The following RASA1 variants were observed in gnomAD, a reference collection of about 807,000 sequenced individuals.
The protein encoded by RASA1 is ras GTPase-activating protein 1.
In RASA1, 25 loss-of-function variants were observed where a neutral mutation model predicts 132.2. The ratio of observed to expected loss-of-function variants is 0.19; its 90% CI spans 0.14 to 0.26. The LOEUF (loss-of-function observed/expected upper bound fraction) is 0.26. Ranked by LOEUF, RASA1 falls within the 10% of genes least tolerant of loss-of-function variation. The pLI, the probability that RASA1 is intolerant of heterozygous loss-of-function variation, is 1.00. For missense variants in RASA1, 964 were observed against 1,299.2 expected (o/e 0.74, Z 3.97); for synonymous variants, 477 against 449.9 (o/e 1.06, Z -0.76).
At position 87,391,552 on chromosome 5, in the gene RASA1, CTG is replaced by C. The variant is rs1423192453; in HGVS notation, c.*671_*672del. ...CTTATTTTGTTGAAATTGTCAAAGACTGTATTTAGATCTCATAATGCTTTGTT... is the reference window on the plus strand; with the variant it reads ...CTTATTTTGTTGAAATTGTCAAAGACTATTTAGATCTCATAATGCTTTGTT... On this transcript the variant is annotated 3_prime_UTR_variant, in exon 25 of 25. Transcript: ENST00000274376. 11 of 237,392 alleles carry C rather than the reference CTG, an allele frequency of 4.6e-5. No individual in the cohort carries two copies. Among genetic ancestry groups the C allele is most frequent in the Non-Finnish European group, 8.3e-5 (10 of 120,182 alleles). 14.7% of individuals were successfully genotyped at this position (237,392 alleles called of 1,614,324 possible). A position where few individuals can be genotyped will look rare whatever the true frequency, so the allele number is the denominator to read the frequency against.
chr5:87,273,380 CTG>C (rs901068242), intron 1 of RASA1, among the ~76,000 whole-genome samples: 7 of 152,216 alleles, frequency 4.6e-5, no homozygotes, highest in African/African-American at 1.4e-4. Flanking sequence ...ATATCTAAAA[CTG>C]TTAACAGATT....
chr5:87,389,410 G>C lies in RASA1; in HGVS notation c.2943G>C (p.Pro981=), dbSNP rs761753589. 12 of 1,614,006 alleles carry C rather than the reference G, an allele frequency of 7.4e-6. No individual in the cohort carries two copies. Among genetic ancestry groups the C allele is most frequent in the Non-Finnish European group, 1.0e-5 (12 of 1,179,940 alleles). The stretch of plus-strand genomic sequence containing the variant: ...CCTTAAAGAATGTACCTGAACTTCC[G>C]GACACTACAGAGCATTCTAGAACGG... ...LDELGNVPEL[P]DTTEHSRTDL... Residue 981 remains proline, a synonymous_variant, in exon 24 of 25, where the codon CCG becomes CCC. Transcript: ENST00000274376.
intron 20 of RASA1, 62 bp from the exon 21 acceptor site, chr5:87,383,651 A>T: frequency 1.6e-6 from 2 of 1,255,812 alleles, no homozygotes; most frequent in Non-Finnish European, 2.2e-6. Context: ...ATATTGTTTT[A>T]ATGTAACACA....
intron 1 of RASA1, among the ~76,000 whole-genome samples, chr5:87,278,255 AAGAC>A: frequency 6.6e-6 from 1 of 152,088 alleles, no homozygotes; most frequent in Admixed American, 6.6e-5. Flanking sequence ...TTTAAGAAAT[AAGAC>A]AGATGGGCCG....
In RASA1 at chr5:87,329,396, C is replaced by T. The variant is rs147148258; in HGVS notation, c.540-1952C>T. Among the ~76,000 whole-genome samples, 1,080 of 152,002 alleles carry T rather than the reference C, an allele frequency of 7.1e-3. 15 individuals carry two copies. The highest frequency in any genetic ancestry group is 0.024 in the African/African-American group (1,010 of 41,474). ...GGTGGGGGTTGCAGTGAGCTGAGAT[C>T]GTACCAGTGTACTCCAGCCTGGGCG... On this transcript the variant is annotated intron_variant, in intron 1 of 24. Transcript: ENST00000274376.
chr5:87,289,781 T>C (rs1754834989), intron 1 of RASA1, among the ~76,000 whole-genome samples: 1 of 152,132 alleles, frequency 6.6e-6, no homozygotes, highest in African/African-American at 2.4e-5. Context: ...CAGCTAATGC[T>C]TTATTTTTTG....
In RASA1 at chr5:87,332,500, C is replaced by T; in HGVS notation, c.693-7C>T. 1.2e-6 allele frequency: 2 copies of T among 1,603,900 alleles called. No homozygotes were observed. The highest frequency in any genetic ancestry group is 1.7e-6 in the Non-Finnish European group (2 of 1,172,202). On this transcript the variant is annotated splice_polypyrimidine_tract_variant and splice_region_variant and intron_variant, in intron 2 of 24. Coordinates refer to ENST00000274376, the MANE Select transcript of RASA1 (RefSeq NM_002890.3). ...TTTTTATACTGTATTTTTTCCTGTT[C>T]AAATAGGATTATTGCTATGTGTGGA...
chr5:87,387,959 TATA>T, intron 23 of RASA1, among the ~76,000 whole-genome samples: 1 of 152,314 alleles, frequency 6.6e-6, no homozygotes, highest in East Asian at 1.9e-4. Context: ...AGAATCCAAA[TATA>T]ATACTACCAT....
Position 87,287,658 on chromosome 5 carries a change from CATAG to C in RASA1, c.539+18672_539+18675del, listed in dbSNP as rs565597090. ...ATAGATATACCATATATATACACGCCATAGATATACACCATATATGTACACGCCA... is the reference window on the plus strand; with the variant it reads ...ATAGATATACCATATATATACACGCCATATACACCATATATGTACACGCCA... On this transcript the variant is annotated intron_variant, in intron 1 of 24. Coordinates refer to ENST00000274376, the MANE Select transcript of RASA1 (RefSeq NM_002890.3). Among the ~76,000 whole-genome samples, 389 of 146,918 alleles carry C rather than the reference CATAG, an allele frequency of 2.6e-3. 2 individuals carry two copies. Among genetic ancestry groups the C allele is most frequent in the African/African-American group, 8.4e-3 (334 of 39,908 alleles).
intron 8 of RASA1, 27 bp from the exon 9 acceptor site, chr5:87,353,126 AGATT>A (rs1561303291): frequency 1.9e-6 from 3 of 1,544,322 alleles, no homozygotes; most frequent in Non-Finnish European, 2.7e-6. Context: ...TTTATGAGAC[AGATT>A]AATACTAGAA....
rs925960367 is a variant in RASA1, at chr5:87,358,468, TTATATC to T, written c.1333-4080_1333-4075del. On this transcript the variant is annotated intron_variant, in intron 9 of 24. Coordinates refer to ENST00000274376, the MANE Select transcript of RASA1 (RefSeq NM_002890.3). ...TCTTCTCTTTTTTTCTTCCTGTACT[TTATATC>T]TAACCTGTCAGGAAGATCATACTGA... is the stretch of plus-strand genomic sequence containing the variant. 1.9e-4 allele frequency among the ~76,000 whole-genome samples: 29 copies of T among 152,288 alleles called. 1 individual carries two copies. Among genetic ancestry groups the T allele is most frequent in the African/African-American group, 6.0e-4 (25 of 41,570 alleles).
Position 87,353,183 on chromosome 5 carries a change from G to T in RASA1, c.1280G>T (p.Arg427Leu). 1 of 1,610,482 alleles carries T rather than the reference G, an allele frequency of 6.2e-7. No individual in the cohort carries two copies. Among genetic ancestry groups the T allele is most frequent in the East Asian group, 2.2e-5 (1 of 44,662 alleles). Residue 427 changes from arginine (R) to leucine (L), a missense_variant, in exon 9 of 25, where the codon CGA (arginine) becomes CTA (leucine). This residue lies in a region of RASA1 where 154 missense variants were observed against 286.5 expected (regional missense o/e 0.54). Transcript: ENST00000274376. ...ATTGGGGACATCATAGATCACTATC[G>T]AAAAGAACAGATTGTTGAAGGATAT... is the stretch of plus-strand genomic sequence containing the variant. ...NSIGDIIDHY[R>L]KEQIVEGYYL...
chr5:87,346,643 TTA>T (rs780645645), intron 6 of RASA1, 27 bp from the exon 7 acceptor site: 1 of 1,425,900 alleles, frequency 7.0e-7, no homozygotes, highest in South Asian at 1.2e-5. Flanking sequence ...AGGACTTTAT[TTA>T]TATATCTAAT....
intron 10 of RASA1, 152 bp from the exon 11 acceptor site, chr5:87,363,196 A>G (rs552633998): frequency 2.8e-5 from 20 of 713,258 alleles, no homozygotes; most frequent in Non-Finnish European, 4.3e-5. Flanking sequence ...CAGATTTGTT[A>G]TAGGCATTTT....
At chr5:87,297,731 G>T (rs575830053) in intron 1 of RASA1, among the ~76,000 whole-genome samples, 325 of 152,270 alleles carry the variant, frequency 2.1e-3, no homozygotes, top group Middle Eastern at 3.4e-3. Context: ...AAGCACAAAG[G>T]GATTTTTCTC....
intron 1 of RASA1, among the ~76,000 whole-genome samples, chr5:87,301,738 TG>T (rs1401038741): frequency 6.6e-6 from 1 of 152,160 alleles, no homozygotes; most frequent in African/African-American, 2.4e-5. Flanking sequence ...TGTGTCATGG[TG>T]GTCCTCAAAG....
intron 23 of RASA1, among the ~76,000 whole-genome samples, chr5:87,387,250 A>G (rs1290006285): frequency 1.3e-5 from 2 of 151,972 alleles, no homozygotes; most frequent in Non-Finnish European, 2.9e-5. Flanking sequence ...TGCTGCTACT[A>G]TGTGGGGCGT....
intron 20 of RASA1, among the ~76,000 whole-genome samples, chr5:87,381,046 T>A (rs1761679503): frequency 6.6e-6 from 1 of 152,226 alleles, no homozygotes; most frequent in Non-Finnish European, 1.5e-5. Flanking sequence ...CTGCTCATTG[T>A]ACCATAATTA....
Position 87,376,996 on chromosome 5 carries a change from C to T in RASA1, c.2300C>T (p.Ser767Leu), listed in dbSNP as rs763915835. 1.5e-5 allele frequency: 24 copies of T among 1,613,598 alleles called. No individual in the cohort carries two copies. Among genetic ancestry groups the T allele is most frequent in the Non-Finnish European group, 1.9e-5 (23 of 1,179,724 alleles). ...LRIFLHEKLESLLLCTLNDRE... is the reference protein window; with the variant it reads ...LRIFLHEKLELLLLCTLNDRE... ...ATTTTTCTTCACGAAAAGCTTGAAT[C>T]GTTGTTGTTATGCACACTAAATGAC... Residue 767 changes from serine to leucine, a missense_variant, in exon 17 of 25, where the codon TCG (serine) becomes TTG (leucine). Ser to Leu is a moderately radical substitution (Grantham distance 145). Coordinates refer to ENST00000274376, the MANE Select transcript of RASA1 (RefSeq NM_002890.3).
Sources: gnomAD v4.1 joint callset for allele counts (sites outside exome capture counted in the v4.1 genomes callset) on GRCh38, gnomAD v4.1.1 for gene constraint, gnomAD v4.1.1 regional missense constraint, MANE v1.5 for transcripts, NCBI Gene and HGNC (gene_info 2026-07-23, HGNC 2026-07-21) for gene names.